PCDHGB3: variants seen among roughly 807,000 people sequenced by gnomAD.
The protein encoded by PCDHGB3 is protocadherin gamma-B3.
PCDHGB3 carries 40 observed loss-of-function variants against 59.2 expected under a neutral mutation model. The ratio of observed to expected loss-of-function variants is 0.68; its 90% CI spans 0.52 to 0.88. The LOEUF is 0.88. PCDHGB3 is among the 40% of genes least tolerant of loss of function. The probability of loss-of-function intolerance (pLI) is 0.00; values close to 1 mark genes in which losing one functional copy is unlikely to be tolerated. For synonymous variants in PCDHGB3, 581 were observed against 503.6 expected, an observed-to-expected ratio of 1.15 and a Z score of -2.06; for missense variants, 1,309 against 1,187.9, an observed-to-expected ratio of 1.10 and a Z score of -1.50.
chr5:141,389,488 A>G (rs1405287897), intron 1 of PCDHGB3: 2 of 1,612,912 alleles, frequency 1.2e-6, no homozygotes, highest in Non-Finnish European at 1.7e-6. Flanking sequence ...GCCCGCGACC[A>G]GGGCTCGCCA....
chr5:141,464,676 T>C (rs1337677151), intron 1 of PCDHGB3, among the ~76,000 whole-genome samples: 3 of 152,176 alleles, frequency 2.0e-5, no homozygotes, highest in Non-Finnish European at 2.9e-5. Context: ...ATAATTTTAA[T>C]TAAAATTTCT....
At chr5:141,433,208 C>T (rs780155661) in intron 1 of PCDHGB3, 90 of 1,293,816 alleles carry the variant, frequency 7.0e-5, no homozygotes, top group Middle Eastern at 5.9e-4. Flanking sequence ...AATCTTCTTT[C>T]TTTTTTTTTT....
chr5:141,383,563 C>A, intron 1 of PCDHGB3: 2 of 1,613,150 alleles, frequency 1.2e-6, no homozygotes, highest in Non-Finnish European at 1.7e-6. Context: ...CGACCCGCCC[C>A]GATCCAGCAC....
chr5:141,444,470 C>T (rs1275997551), intron 1 of PCDHGB3, among the ~76,000 whole-genome samples: 2 of 152,058 alleles, frequency 1.3e-5, no homozygotes, highest in African/African-American at 2.4e-5. Flanking sequence ...TGCGCCCGGT[C>T]GCGTACTGGA....
At position 141,431,968 on chromosome 5, in the gene PCDHGB3, T is replaced by A. The variant is rs571981127; in HGVS notation, c.2415+59159T>A. On this transcript the variant is annotated intron_variant, in intron 1 of 3. Coordinates refer to ENST00000576222, the MANE Select transcript of PCDHGB3 (RefSeq NM_018924.5). The surrounding 1 kb of genome is among the most constrained non-coding windows in gnomAD (Gnocchi z 4.8). Reference sequence around the variant, plus strand: ...AAAAATCTTACGGAAATTACTATAGTTTAGTCACAGACATAGTCTTGGATA... The same window carrying A: ...AAAAATCTTACGGAAATTACTATAGATTAGTCACAGACATAGTCTTGGATA... 1.9e-6 allele frequency: 3 copies of A among 1,614,072 alleles called. No individual in the cohort carries two copies. Among genetic ancestry groups the A allele is most frequent in the Non-Finnish European group, 2.5e-6 (3 of 1,180,014 alleles).
intron 1 of PCDHGB3, among the ~76,000 whole-genome samples, chr5:141,386,748 G>T (rs1033565005): frequency 6.6e-6 from 1 of 152,190 alleles, no homozygotes; most frequent in African/African-American, 2.4e-5. Flanking sequence ...TCCTATGGCA[G>T]AACTACGGTT....
At chr5:141,383,748 A>T in intron 1 of PCDHGB3, 1 of 1,613,970 alleles carries the variant, frequency 6.2e-7, no homozygotes, top group Non-Finnish European at 8.5e-7. Context: ...CTTTTCGGAA[A>T]ATAACTCCTA....
chr5:141,389,935 C>G (rs1212194328), intron 1 of PCDHGB3: 1 of 1,613,966 alleles, frequency 6.2e-7, no homozygotes, highest in Non-Finnish European at 8.5e-7. Flanking sequence ...GACCTCCAGG[C>G]TGAGCTGCAG....
At chr5:141,509,344 T>A (rs2099876374) in intron 3 of PCDHGB3, among the ~76,000 whole-genome samples, 1 of 152,202 alleles carries the variant, frequency 6.6e-6, no homozygotes, top group Admixed American at 6.5e-5. Flanking sequence ...GGGCCTGGGC[T>A]GGCCTGGGCA....
chr5:141,431,995 G>A lies in PCDHGB3; in HGVS notation c.2415+59186G>A. 6.2e-7 allele frequency: 1 copy of A among 1,614,048 alleles called. No individual in the cohort carries two copies. Among genetic ancestry groups the A allele is most frequent in the East Asian group, 2.2e-5 (1 of 44,898 alleles). The stretch of plus-strand genomic sequence containing the variant: ...TAGTCACAGACATAGTCTTGGATAG[G>A]GAACAGGTTCCTAGCTACAACATCA... On this transcript the variant is annotated intron_variant, in intron 1 of 3. Coordinates refer to ENST00000576222, the MANE Select transcript of PCDHGB3 (RefSeq NM_018924.5). This position sits in a 1 kb window ranked among gnomAD's most constrained non-coding sequence, Gnocchi z 4.8.
chr5:141,403,687 G>A, intron 1 of PCDHGB3: 1 of 1,613,872 alleles, frequency 6.2e-7, no homozygotes, highest in East Asian at 2.2e-5. Context: ...TTGCTCAACG[G>A]ATTTACCGAG....
At chr5:141,510,917 C>G in intron 3 of PCDHGB3, 30 bp from the exon 4 acceptor site, 1 of 1,613,854 alleles carries the variant, frequency 6.2e-7, no homozygotes, top group Non-Finnish European at 8.5e-7. Flanking sequence ...CTAAGTTTAG[C>G]TCCCACCTGA....
In PCDHGB3 at chr5:141,487,414, T is replaced by C; in HGVS notation, c.2416-7393T>C. On this transcript the variant is annotated intron_variant, in intron 1 of 3. Coordinates refer to ENST00000576222, the MANE Select transcript of PCDHGB3 (RefSeq NM_018924.5). This position sits in a 1 kb window ranked among gnomAD's most constrained non-coding sequence, Gnocchi z 5.0. The stretch of plus-strand genomic sequence containing the variant: ...GGAGGGAGGGGCTTCCCCCTTCCAA[T>C]GGGATCCTCCGAATCCAGCTAGGGT... 3.7e-6 allele frequency: 6 copies of C among 1,614,174 alleles called. No individual in the cohort carries two copies. The highest frequency in any genetic ancestry group is 5.1e-6 in the Non-Finnish European group (6 of 1,180,006).
chr5:141,469,830 A>G (rs184478661), intron 1 of PCDHGB3, among the ~76,000 whole-genome samples: 1 of 152,124 alleles, frequency 6.6e-6, no homozygotes, highest in African/African-American at 2.4e-5. Flanking sequence ...GGTCACATAA[A>G]ACTTATTCTT....
At chr5:141,410,736 A>G (rs553799279) in intron 1 of PCDHGB3, 1 of 1,334,690 alleles carries the variant, frequency 7.5e-7, no homozygotes, top group East Asian at 2.4e-5. Flanking sequence ...ATAGCTTTTT[A>G]CAATATTTTC....
intron 2 of PCDHGB3, among the ~76,000 whole-genome samples, chr5:141,500,184 T>TTTTATTTATTTATTTA (rs58019021): frequency 1.5e-5 from 2 of 135,886 alleles, no homozygotes; most frequent in African/African-American, 5.4e-5. Flanking sequence ...TCATTTTTAT[T>TTTTATTTATTTATTTA]TTTATTTATT....
At chr5:141,377,297 C>T (rs566234622) in intron 1 of PCDHGB3, 1 of 151,972 alleles carries the variant, frequency 6.6e-6, no homozygotes, top group Non-Finnish European at 1.5e-5. Context: ...TAATTTAGGT[C>T]AGTGTTAAAG....
chr5:141,395,093 C>T (rs1372671941), intron 1 of PCDHGB3: 1 of 1,614,158 alleles, frequency 6.2e-7, no homozygotes, highest in Non-Finnish European at 8.5e-7. Flanking sequence ...TCTCCCTCAC[C>T]GCCGACTCGC....
At position 141,371,918 on chromosome 5, in the gene PCDHGB3, C is replaced by T; in HGVS notation, c.1524C>T (p.Ser508=). 6.2e-7 allele frequency: 1 copy of T among 1,613,372 alleles called. No individual in the cohort carries two copies. The highest frequency in any genetic ancestry group is 1.3e-5 in the African/African-American group (1 of 75,076). Residue 508 remains serine (S), a synonymous_variant, in exon 1 of 4, where the codon AGC becomes AGT. Transcript: ENST00000576222. ...PRELSSYVSV[S]ARSGVVFAQR... is the part of the protein sequence containing the mutation. Reference sequence around the variant, plus strand: ...AGCTGTCGTCCTACGTGTCCGTGAGCGCGCGGAGCGGGGTGGTGTTCGCGC... The same window carrying T: ...AGCTGTCGTCCTACGTGTCCGTGAGTGCGCGGAGCGGGGTGGTGTTCGCGC...
Sources: allele counts gnomAD v4.1 joint callset (sites outside exome capture counted in the v4.1 genomes callset), GRCh38; gene constraint gnomAD v4.1.1; non-coding constraint Gnocchi (gnomAD v3.1); transcripts MANE v1.5; gene names NCBI Gene and HGNC (gene_info 2026-07-23, HGNC 2026-07-21).